Variants in PLEKHG4B observed in about 807,000 individuals in gnomAD.
PLEKHG4B encodes pleckstrin homology and RhoGEF domain containing G4B.
In PLEKHG4B, 111 loss-of-function variants were observed where a neutral mutation model predicts 121.3. The observed-to-expected ratio is 0.92, with a 90% CI of 0.78 to 1.07. The LOEUF is 1.07. Among genes scored for constraint, PLEKHG4B ranks in the 50% least tolerant of loss-of-function variants. The pLI is 0.00. For missense variants in PLEKHG4B, 1,831 were observed against 1,757.8 expected (o/e 1.04, Z -0.74); for synonymous variants, 738 against 725.0 (o/e 1.02, Z -0.29).
At position 161,894 on chromosome 5, in the gene PLEKHG4B, A is replaced by G; in HGVS notation, c.2599A>G (p.Arg867Gly). 1 of 1,613,576 alleles carries G rather than the reference A, an allele frequency of 6.2e-7. No individual in the cohort carries two copies. The highest frequency in any genetic ancestry group is 8.5e-7 in the Non-Finnish European group (1 of 1,179,980). ...LSAVVSQAEC[R>G]EGELARWTRS... ...CGCCGTGGTCAGCCAGGCTGAGTGC[A>G]GGGAGGGAGAGCTGGCCAGGTGGAC... The change falls in exon 12 of 20, where the codon AGG (arginine) becomes GGG (glycine). Residue 867 changes from arginine to glycine, a missense_variant. Coordinates refer to ENST00000637938, the MANE Select transcript of PLEKHG4B (RefSeq NM_052909.5).
At position 182,071 on chromosome 5, in the gene PLEKHG4B, C is replaced by T; in HGVS notation, c.4632C>T (p.His1544=). ...SDHAAPFKRP[H]STISDSSTSS... ...ACGCCGCCCCCTTCAAGCGACCACA[C>T]TCCACCATCTCAGACAGCAGCACCT... is the stretch of plus-strand genomic sequence containing the variant. The change falls in exon 20 of 20, where the codon CAC becomes CAT. Residue 1544 remains histidine (H), a synonymous_variant. Coordinates refer to ENST00000637938, the MANE Select transcript of PLEKHG4B (RefSeq NM_052909.5). 1 of 1,614,224 alleles carries T rather than the reference C, an allele frequency of 6.2e-7. No homozygotes were observed. Among genetic ancestry groups the T allele is most frequent in the South Asian group, 1.1e-5 (1 of 91,086 alleles).
At position 166,517 on chromosome 5, in the gene PLEKHG4B, AGCTCACACTAATGCTCTGACGGGGCGGG is replaced by A. The variant is rs1288948536; in HGVS notation, c.3477-2776_3477-2749del. On this transcript the variant is annotated intron_variant, in intron 13 of 19. Transcript: ENST00000637938. Reference sequence around the variant, plus strand: ...TCACAGTAATCTTCTGACGGGGCGGAGCTCACACTAATGCTCTGACGGGGCGGGGCTCACACTAATGCTCTGACGGGGC... The same window carrying A: ...TCACAGTAATCTTCTGACGGGGCGGAGCTCACACTAATGCTCTGACGGGGC... Among the ~76,000 whole-genome samples the A allele has an allele frequency of 6.6e-3, 201 of 30,680 alleles. 7 individuals carry two copies. The highest frequency in any genetic ancestry group is 0.026 in the East Asian group (39 of 1,512). The allele number at this position is 30,680 out of a possible 152,430, so 20.1% of individuals were successfully genotyped here. A position where few individuals can be genotyped will look rare whatever the true frequency, so the allele number is the denominator to read the frequency against.
intron 18 of PLEKHG4B, among the ~76,000 whole-genome samples, chr5:177,833 A>C (rs900496969): frequency 2.0e-5 from 3 of 152,206 alleles, no homozygotes; most frequent in African/African-American, 7.2e-5. Flanking sequence ...GGATGTGAGG[A>C]TGCGCCGTGT....
intron 13 of PLEKHG4B, among the ~76,000 whole-genome samples, chr5:165,749 C>G (rs578197653): frequency 2.6e-4 from 6 of 23,120 alleles, no homozygotes; most frequent in East Asian, 2.6e-3. Context: ...CACTAATGCT[C>G]TGACGGGGCG....
intron 17 of PLEKHG4B, 85 bp from the exon 18 acceptor site, chr5:173,833 A>G: frequency 6.8e-7 from 1 of 1,466,860 alleles, no homozygotes; most frequent in South Asian, 1.3e-5. Context: ...GGGTGAAGTG[A>G]CCTCCAGCAC....
intron 18 of PLEKHG4B, among the ~76,000 whole-genome samples, chr5:181,181 T>G (rs1038503540): frequency 3.3e-5 from 5 of 152,214 alleles, no homozygotes; most frequent in Non-Finnish European, 7.3e-5. Context: ...CTCTGACCCC[T>G]GCTCTAATTG....
In PLEKHG4B at chr5:185,368, T is replaced by G. The variant is rs1733595183; in HGVS notation, c.*3045T>G. On this transcript the variant is annotated 3_prime_UTR_variant, in exon 20 of 20. Coordinates refer to ENST00000637938, the MANE Select transcript of PLEKHG4B (RefSeq NM_052909.5). ...TGCTTTAAAGATGTGCAGTGGATCG[T>G]ATGTCGCTTAAATCCCAACAAAGCA... 6.6e-6 allele frequency: 1 copy of G among 152,228 alleles called. No homozygotes were observed. The highest frequency in any genetic ancestry group is 2.4e-5 in the African/African-American group (1 of 41,450). The allele number at this position is 152,228 out of a possible 1,614,324, so 9.4% of individuals were successfully genotyped here.
intron 12 of PLEKHG4B, 73 bp downstream of exon 12, chr5:162,017 C>T (rs1212366782): frequency 2.0e-6 from 3 of 1,491,266 alleles, no homozygotes; most frequent in Admixed American, 2.1e-5. Context: ...AAGTGCCTCC[C>T]CTCACAAGCT....
intron 1 of PLEKHG4B, among the ~76,000 whole-genome samples, chr5:107,945 GAGC>G (rs1485244140): frequency 6.6e-6 from 1 of 152,152 alleles, no homozygotes; most frequent in Non-Finnish European, 1.5e-5. Context: ...TGGTGGAGTG[GAGC>G]AGCACCTTTC....
In PLEKHG4B at chr5:155,360, G is replaced by A. The variant is rs138180145; in HGVS notation, c.2125G>A (p.Ala709Thr). 18 of 1,613,922 alleles carry A rather than the reference G, an allele frequency of 1.1e-5. No individual in the cohort carries two copies. The highest frequency in any genetic ancestry group is 5.0e-5 in the Admixed American group (3 of 60,002). Residue 709 changes from alanine (A) to threonine (T), a missense_variant, in exon 9 of 20, where the codon GCT (alanine) becomes ACT (threonine). By Grantham distance (58) the Ala-to-Thr change is moderately conservative. Transcript: ENST00000637938. ...ICFRQRLEHFAANCEEAIIFL... is the reference protein window; with the variant it reads ...ICFRQRLEHFTANCEEAIIFL... The stretch of plus-strand genomic sequence containing the variant: ...CTCACAACAGAGGCTGGAACACTTC[G>A]CTGCAAACTGTGAAGAAGCCATCAT...
At chr5:112,512 T>A (rs1293281383) in intron 1 of PLEKHG4B, among the ~76,000 whole-genome samples, 2 of 152,234 alleles carry the variant, frequency 1.3e-5, no homozygotes, top group African/African-American at 4.8e-5. Flanking sequence ...TCAGGGATTG[T>A]TACTCTAAAA....
intron 2 of PLEKHG4B, among the ~76,000 whole-genome samples, chr5:118,621 C>A (rs975086816): frequency 4.6e-5 from 7 of 152,064 alleles, no homozygotes; most frequent in Non-Finnish European, 2.9e-5. Flanking sequence ...TTCTAAACTC[C>A]CCTTCATGTT....
At chr5:142,888 C>T (rs968434108) in intron 3 of PLEKHG4B, among the ~76,000 whole-genome samples, 159 bp from the exon 4 acceptor site, 1 of 152,240 alleles carries the variant, frequency 6.6e-6, no homozygotes, top group African/African-American at 2.4e-5. Context: ...TGCAGTGGGA[C>T]ATGCTTTCAC....
chr5:179,577 A>G (rs1412905675), intron 18 of PLEKHG4B: 1 of 152,696 alleles, frequency 6.5e-6, no homozygotes, highest in Non-Finnish European at 1.5e-5. Flanking sequence ...CCCCAGGCAG[A>G]GAGACCTGGG....
At chr5:93,600 C>A (rs1733534611) in intron 1 of PLEKHG4B, among the ~76,000 whole-genome samples, 1 of 152,206 alleles carries the variant, frequency 6.6e-6, no homozygotes, top group African/African-American at 2.4e-5. Context: ...ACAGGCTTGA[C>A]CCCGCAGGCA....
rs1053208370 is a variant in PLEKHG4B, at chr5:185,139, C to T, written c.*2816C>T. Reference sequence around the variant, plus strand: ...TTTTTAAAAATCCAGTCCAAAAATACGTAGAGAAAGAGGGAAAGGGAAGAA... The same window carrying T: ...TTTTTAAAAATCCAGTCCAAAAATATGTAGAGAAAGAGGGAAAGGGAAGAA... On this transcript the variant is annotated 3_prime_UTR_variant, in exon 20 of 20. Transcript: ENST00000637938. 5 of 152,170 alleles carry T rather than the reference C, an allele frequency of 3.3e-5. No individual in the cohort carries two copies. The South Asian group carries it at 6.2e-4, about 19-fold the overall frequency. 9.4% of individuals were successfully genotyped at this position (152,170 alleles called of 1,614,324 possible).
In PLEKHG4B at chr5:163,176, A is replaced by G; in HGVS notation, c.3104A>G (p.Asp1035Gly). Residue 1035 changes from aspartate (D) to glycine (G), a missense_variant, in exon 13 of 20, where the codon GAC becomes GGC. Coordinates refer to ENST00000637938, the MANE Select transcript of PLEKHG4B (RefSeq NM_052909.5). ...TLRPGLCALW[D>G]PLSLLRGLPG... ...CGCCCAGGGCTGTGTGCTCTGTGGG[A>G]CCCACTGTCCCTCCTCAGGGGCCTT... 1 of 1,573,268 alleles carries G rather than the reference A, an allele frequency of 6.4e-7. No individual in the cohort carries two copies. Among genetic ancestry groups the G allele is most frequent in the Non-Finnish European group, 8.6e-7 (1 of 1,160,770 alleles).
At chr5:168,295 G>A (rs769258062) in intron 13 of PLEKHG4B, among the ~76,000 whole-genome samples, 26 of 152,180 alleles carry the variant, frequency 1.7e-4, no homozygotes, top group Non-Finnish European at 2.5e-4. Flanking sequence ...TGAGGGTTCC[G>A]TGGAGGGCCA....
chr5:127,107 A>G (rs551718858), intron 2 of PLEKHG4B, among the ~76,000 whole-genome samples: 2 of 152,318 alleles, frequency 1.3e-5, no homozygotes, highest in Admixed American at 6.5e-5. Flanking sequence ...GAACATGCCT[A>G]GTCCCAGGTA....
Sources: allele counts gnomAD v4.1 joint callset (sites outside exome capture counted in the v4.1 genomes callset), GRCh38; gene constraint gnomAD v4.1.1; transcripts MANE v1.5; gene names NCBI Gene and HGNC (gene_info 2026-07-23, HGNC 2026-07-21).